NOVA2: variants seen among roughly 807,000 people sequenced by gnomAD.
NOVA2 encodes the protein RNA-binding protein Nova-2.
Under a neutral mutation model 22.5 loss-of-function variants are expected in NOVA2, and 9 were observed. The ratio of observed to expected loss-of-function variants is 0.40; its 90% CI spans 0.24 to 0.70. The LOEUF (loss-of-function observed/expected upper bound fraction) is 0.70. NOVA2 is among the 30% of genes least tolerant of loss of function. NOVA2 has a pLI of 0.38. For missense variants in NOVA2, 383 were observed against 682.8 expected (o/e 0.56, Z 4.89); for synonymous variants, 318 against 335.2 (o/e 0.95, Z 0.56).
At chr19:45,972,084 T>C (rs1368578498) in intron 1 of NOVA2, among the ~76,000 whole-genome samples, 2 of 151,924 alleles carry the variant, frequency 1.3e-5, no homozygotes, top group Non-Finnish European at 2.9e-5. Flanking sequence ...CACTCAGCCA[T>C]TTCACACACA....
At position 45,935,490 on chromosome 19, in the gene NOVA2, G is replaced by C. The variant is rs368189205; in HGVS notation, c.*4373C>G. 1 of 152,264 alleles carries C rather than the reference G, an allele frequency of 6.6e-6. No homozygotes were observed. Among genetic ancestry groups the C allele is most frequent in the East Asian group, 1.9e-4 (1 of 5,164 alleles). 9.4% of individuals were successfully genotyped at this position (152,264 alleles called of 1,614,324 possible). A position where few individuals can be genotyped will look rare whatever the true frequency, so the allele number is the denominator to read the frequency against. ...GCCCCAGCTTGGGTATCGCGATCCCGTTCTCCCCATCGTGACATCCAGTCC... is the reference window on the plus strand; with the variant it reads ...GCCCCAGCTTGGGTATCGCGATCCCCTTCTCCCCATCGTGACATCCAGTCC... On this transcript the variant is annotated 3_prime_UTR_variant, in exon 4 of 4. Coordinates refer to ENST00000263257, the MANE Select transcript of NOVA2 (RefSeq NM_002516.4).
intron 1 of NOVA2, among the ~76,000 whole-genome samples, chr19:45,965,253 C>T (rs957114436): frequency 1.3e-5 from 2 of 152,192 alleles, no homozygotes; most frequent in Admixed American, 6.5e-5. Context: ...CAATTTCACT[C>T]CCCATCTTCT....
In NOVA2 at chr19:45,961,302, A is replaced by G. The variant is rs1036916301; in HGVS notation, c.86-149T>C. ...TCATTCACTCATTCATTCAACAAAT[A>G]GTTATTGAGCACCTGCTACGTGCCT... is the stretch of plus-strand genomic sequence containing the variant. On this transcript the variant is annotated intron_variant, in intron 1 of 3. Transcript: ENST00000263257. 4 of 604,708 alleles carry G rather than the reference A, an allele frequency of 6.6e-6. No individual in the cohort carries two copies. In the African/African-American group the frequency reaches 7.5e-5, roughly 11 times the overall value. The allele number at this position is 604,708 out of a possible 1,614,324, so 37.5% of individuals were successfully genotyped here.
chr19:45,949,138 C>G (rs1460733252), intron 3 of NOVA2, among the ~76,000 whole-genome samples: 1 of 151,734 alleles, frequency 6.6e-6, no homozygotes, highest in African/African-American at 2.4e-5. Flanking sequence ...AGACTGGGAT[C>G]TGGGGGAATG....
chr19:45,946,985 G>A (rs1181185138), intron 3 of NOVA2, among the ~76,000 whole-genome samples: 2 of 151,844 alleles, frequency 1.3e-5, no homozygotes, highest in African/African-American at 2.4e-5. Flanking sequence ...GTGAATCTAA[G>A]TGCAGTGTAT....
At chr19:45,947,894 C>G (rs1226802971) in intron 3 of NOVA2, among the ~76,000 whole-genome samples, 1 of 152,148 alleles carries the variant, frequency 6.6e-6, no homozygotes, top group African/African-American at 2.4e-5. Context: ...CCCTGAAAAG[C>G]TGCCTTGGAC....
At chr19:45,951,730 G>A (rs913660140) in intron 3 of NOVA2, among the ~76,000 whole-genome samples, 1 of 152,050 alleles carries the variant, frequency 6.6e-6, no homozygotes, top group African/African-American at 2.4e-5. Context: ...CTGGGATGTC[G>A]AGGCTCCAGT....
chr19:45,954,760 G>C (rs754326955), intron 2 of NOVA2, among the ~76,000 whole-genome samples: 2 of 151,668 alleles, frequency 1.3e-5, no homozygotes, highest in Non-Finnish European at 2.9e-5. Flanking sequence ...GTGGGGGCAC[G>C]GGGGAGAGAG....
intron 1 of NOVA2, 88 bp downstream of exon 1, chr19:45,973,179 T>C (rs1389164307): frequency 3.4e-6 from 2 of 586,618 alleles, no homozygotes; most frequent in African/African-American, 2.1e-5. Context: ...CCCAGAGCCC[T>C]TGCACCTGCC....
intron 3 of NOVA2, among the ~76,000 whole-genome samples, chr19:45,944,466 AAAC>A (rs1284207128): frequency 6.6e-6 from 1 of 152,146 alleles, no homozygotes; most frequent in African/African-American, 2.4e-5. Context: ...CAAAAAACAA[AAAC>A]AACAACAAAG....
chr19:45,970,587 G>A (rs1968221044), intron 1 of NOVA2, among the ~76,000 whole-genome samples: 1 of 152,020 alleles, frequency 6.6e-6, no homozygotes. Flanking sequence ...TGTTGGCCAA[G>A]CTGTTCTTGA....
intron 3 of NOVA2, among the ~76,000 whole-genome samples, chr19:45,943,307 C>T (rs2146408892): frequency 1.3e-5 from 2 of 151,822 alleles, no homozygotes; most frequent in South Asian, 2.1e-4. Flanking sequence ...CCAGCCACCT[C>T]AGCCTCCCAA....
chr19:45,952,994 G>A (rs942219569), intron 3 of NOVA2, among the ~76,000 whole-genome samples: 2 of 152,256 alleles, frequency 1.3e-5, no homozygotes, highest in African/African-American at 4.8e-5. Context: ...CAGCCCAGGG[G>A]TTCTCGCCCC....
rs559417447 is a variant in NOVA2, at chr19:45,961,171, G to A, written c.86-18C>T. 2 of 1,593,468 alleles carry A rather than the reference G, an allele frequency of 1.3e-6. No individual in the cohort carries two copies. The highest frequency in any genetic ancestry group is 3.5e-5 in the Admixed American group (2 of 57,382). On this transcript the variant is annotated intron_variant, in intron 1 of 3. Transcript: ENST00000263257. ...GCCTTCCTCTGCGGGGGCACACAGGGTGGAGGGGAGTCAGCGGGGGAGGGG... is the reference window on the plus strand; with the variant it reads ...GCCTTCCTCTGCGGGGGCACACAGGATGGAGGGGAGTCAGCGGGGGAGGGG...
intron 3 of NOVA2, 77 bp from the exon 4 acceptor site, chr19:45,941,022 G>A (rs1001695510): frequency 2.9e-6 from 4 of 1,372,210 alleles, no homozygotes; most frequent in Non-Finnish European, 2.0e-6. Context: ...GGGCACGGTG[G>A]CTGTCGCCTG....
Position 45,934,532 on chromosome 19 carries a change from C to T in NOVA2, c.*5331G>A, listed in dbSNP as rs796890355. 7 of 152,264 alleles carry T rather than the reference C, an allele frequency of 4.6e-5. No individual in the cohort carries two copies. Among genetic ancestry groups the T allele is most frequent in the African/African-American group, 1.7e-4 (7 of 41,524 alleles). 9.4% of individuals were successfully genotyped at this position (152,264 alleles called of 1,614,324 possible). ...AGCTTGAAATCCTTAGCGATGGGGA[C>T]AGGTGAGGGGACATACCTTAAAATT... On this transcript the variant is annotated 3_prime_UTR_variant, in exon 4 of 4. Coordinates refer to ENST00000263257, the MANE Select transcript of NOVA2 (RefSeq NM_002516.4).
At chr19:45,961,827 G>T (rs1410921062) in intron 1 of NOVA2, among the ~76,000 whole-genome samples, 1 of 152,190 alleles carries the variant, frequency 6.6e-6, no homozygotes, top group African/African-American at 2.4e-5. Context: ...GGATATGGAG[G>T]AAGGAACGGA....
intron 1 of NOVA2, among the ~76,000 whole-genome samples, chr19:45,964,221 C>G: frequency 6.9e-6 from 1 of 145,414 alleles, no homozygotes; most frequent in East Asian, 2.0e-4. Context: ...CTCTTGTCAC[C>G]CAGGCTGCAG....
At chr19:45,946,144 G>C (rs1034918591) in intron 3 of NOVA2, among the ~76,000 whole-genome samples, 1 of 151,838 alleles carries the variant, frequency 6.6e-6, no homozygotes, top group Non-Finnish European at 1.5e-5. Flanking sequence ...TCTACAAAAA[G>C]TACAAAAATT....
Sources: allele counts gnomAD v4.1 joint callset (sites outside exome capture counted in the v4.1 genomes callset), GRCh38; gene constraint gnomAD v4.1.1; transcripts MANE v1.5; gene names NCBI Gene and HGNC (gene_info 2026-07-23, HGNC 2026-07-21).